Variants in ADK observed in about 807,000 individuals in gnomAD.
ADK encodes the protein N6,N6-dimethyladenosine kinase.
Under a neutral mutation model 44.7 loss-of-function variants are expected in ADK, and 24 were observed. The ratio of observed to expected loss-of-function variants is 0.54; its 90% CI spans 0.39 to 0.76. The LOEUF (loss-of-function observed/expected upper bound fraction) is 0.76. Among genes scored for constraint, ADK ranks in the 30% least tolerant of loss-of-function variants. The pLI, the probability that ADK is intolerant of heterozygous loss-of-function variation, is 0.00. For synonymous variants in ADK, 128 were observed against 142.6 expected, an observed-to-expected ratio of 0.90 and a Z score of 0.73; for missense variants, 321 against 425.1, an observed-to-expected ratio of 0.76 and a Z score of 2.15.
chr10:74,452,616 A>G (rs933493809), intron 6 of ADK, among the ~76,000 whole-genome samples: 2 of 151,732 alleles, frequency 1.3e-5, no homozygotes, highest in Admixed American at 1.3e-4. Context: ...TTTTTAATTT[A>G]TTTTTCTTTC....
At chr10:74,201,299 C>T (rs926786034) in intron 2 of ADK, among the ~76,000 whole-genome samples, 4 of 152,092 alleles carry the variant, frequency 2.6e-5, no homozygotes, top group Middle Eastern at 3.2e-3. Context: ...CTGCTGTTTC[C>T]GCTTTATTAG....
At chr10:74,479,297 A>T (rs1383644575) in intron 6 of ADK, among the ~76,000 whole-genome samples, 1 of 151,902 alleles carries the variant, frequency 6.6e-6, no homozygotes, top group African/African-American at 2.4e-5. Flanking sequence ...GCCCAGCCTC[A>T]CATATCTTTA....
At chr10:74,447,570 G>T (rs1018516262) in intron 6 of ADK, among the ~76,000 whole-genome samples, 1 of 152,110 alleles carries the variant, frequency 6.6e-6, no homozygotes, top group African/African-American at 2.4e-5. Flanking sequence ...ATATTTGAGG[G>T]TGTCATACTC....
At chr10:74,184,016 A>G (rs976158790) in intron 1 of ADK, among the ~76,000 whole-genome samples, 2 of 151,910 alleles carry the variant, frequency 1.3e-5, no homozygotes, top group Non-Finnish European at 2.9e-5. Flanking sequence ...TCCCGGATTC[A>G]AGCAATTCTC....
intron 4 of ADK, among the ~76,000 whole-genome samples, chr10:74,342,797 G>T (rs571915651): frequency 6.6e-6 from 1 of 151,992 alleles, no homozygotes; most frequent in African/African-American, 2.4e-5. Context: ...GTGTGTGTGT[G>T]TGTGTGTGTG....
chr10:74,359,990 G>A (rs1203173740), intron 4 of ADK, among the ~76,000 whole-genome samples: 1 of 152,026 alleles, frequency 6.6e-6, no homozygotes, highest in Non-Finnish European at 1.5e-5. Context: ...TGTCGATTTT[G>A]TATCTGACAA....
intron 10 of ADK, among the ~76,000 whole-genome samples, chr10:74,682,919 C>T (rs1855664755): frequency 6.6e-6 from 1 of 152,164 alleles, no homozygotes; most frequent in South Asian, 2.1e-4. Flanking sequence ...CTTACCCTGG[C>T]AGGCACAGTA....
intron 10 of ADK, among the ~76,000 whole-genome samples, chr10:74,705,891 T>C (rs777873219): frequency 2.0e-5 from 3 of 152,240 alleles, no homozygotes; most frequent in Non-Finnish European, 2.9e-5. Context: ...AATAATGATA[T>C]TGAACATTTT....
intron 10 of ADK, among the ~76,000 whole-genome samples, chr10:74,692,854 C>G (rs1238996389): frequency 1.4e-4 from 21 of 152,166 alleles, no homozygotes; most frequent in Admixed American, 1.4e-3. Context: ...GATGTTTTCA[C>G]AATGACACAA....
intron 6 of ADK, chr10:74,509,519 A>T (rs1398137485): frequency 1.3e-5 from 2 of 152,232 alleles, no homozygotes; most frequent in African/African-American, 4.8e-5. Flanking sequence ...CCTGTAATGT[A>T]TAGTAATCAG....
At chr10:74,400,348 A>G (rs1843664889) in intron 6 of ADK, among the ~76,000 whole-genome samples, 1 of 152,176 alleles carries the variant, frequency 6.6e-6, no homozygotes, top group South Asian at 2.1e-4. Flanking sequence ...TTATTCCAAA[A>G]TAGTTCTGAA....
intron 4 of ADK, among the ~76,000 whole-genome samples, chr10:74,364,877 G>A (rs565998156): frequency 4.6e-5 from 7 of 152,148 alleles, no homozygotes; most frequent in African/African-American, 1.7e-4. Flanking sequence ...ACTTCCCACA[G>A]TCTTTTCCTG....
intron 9 of ADK, among the ~76,000 whole-genome samples, chr10:74,609,709 A>G (rs1564817836): frequency 6.6e-6 from 1 of 152,090 alleles, no homozygotes. Flanking sequence ...ACCCAAACCT[A>G]TTTTTAAATG....
intron 9 of ADK, among the ~76,000 whole-genome samples, chr10:74,657,060 G>A (rs1854515293): frequency 6.6e-6 from 1 of 150,478 alleles, no homozygotes; most frequent in South Asian, 2.1e-4. Context: ...GACTGCCTCT[G>A]TGGACAGTTT....
chr10:74,698,600 C>T (rs532212104), intron 10 of ADK, among the ~76,000 whole-genome samples: 67 of 152,314 alleles, frequency 4.4e-4, no homozygotes, highest in Non-Finnish European at 8.5e-4. Context: ...CTCTCCCATT[C>T]TGGAGTGCAG....
intron 9 of ADK, among the ~76,000 whole-genome samples, chr10:74,629,882 A>G (rs1001157347): frequency 2.6e-4 from 39 of 152,176 alleles, no homozygotes; most frequent in African/African-American, 8.2e-4. Flanking sequence ...AAGACCCACT[A>G]CTAGTGGGAT....
intron 3 of ADK, among the ~76,000 whole-genome samples, chr10:74,301,377 G>T (rs1840025848): frequency 6.6e-6 from 1 of 151,760 alleles, no homozygotes; most frequent in Non-Finnish European, 1.5e-5. Flanking sequence ...AGCTGGGCGT[G>T]GTGGCGTGCG....
chr10:74,672,304 A>G (rs1482954551), intron 10 of ADK, among the ~76,000 whole-genome samples: 1 of 151,952 alleles, frequency 6.6e-6, no homozygotes, highest in African/African-American at 2.4e-5. Context: ...TTGTTTTTTT[A>G]CAGCACTTTT....
intron 4 of ADK, among the ~76,000 whole-genome samples, chr10:74,360,951 A>G (rs1404662585): frequency 6.6e-6 from 1 of 152,138 alleles, no homozygotes; most frequent in African/African-American, 2.4e-5. Context: ...TCTGTCCCCC[A>G]TGCTGGAGTG....
Sources: allele counts gnomAD v4.1 joint callset (sites outside exome capture counted in the v4.1 genomes callset), GRCh38; gene constraint gnomAD v4.1.1; transcripts MANE v1.5; gene names NCBI Gene and HGNC (gene_info 2026-07-23, HGNC 2026-07-21).